Variants in CEP128 observed in about 807,000 individuals in gnomAD.
CEP128 encodes the protein centrosomal protein 128, also known as centrosomal protein 128kDa.
In CEP128, 132 loss-of-function variants were observed where a neutral mutation model predicts 156.7. The ratio of observed to expected loss-of-function variants is 0.84; its 90% CI spans 0.73 to 0.97. The LOEUF (loss-of-function observed/expected upper bound fraction) is 0.97. CEP128 is among the 50% of genes least tolerant of loss of function. The probability of loss-of-function intolerance (pLI) is 0.00; values close to 1 mark genes in which losing one functional copy is unlikely to be tolerated. For synonymous variants in CEP128, 469 were observed against 448.9 expected, an observed-to-expected ratio of 1.04 and a Z score of -0.57; for missense variants, 1,252 against 1,281.9, an observed-to-expected ratio of 0.98 and a Z score of 0.36.
At chr14:80,722,467 A>G (rs1375096267) in intron 19 of CEP128, among the ~76,000 whole-genome samples, 2 of 152,052 alleles carry the variant, frequency 1.3e-5, no homozygotes, top group African/African-American at 4.8e-5. Flanking sequence ...CATATACACT[A>G]ACATATGTAT....
chr14:80,810,340 AAAAAAAAAG>A (rs1418088882), intron 13 of CEP128, among the ~76,000 whole-genome samples: 3 of 147,978 alleles, frequency 2.0e-5, no homozygotes, highest in Non-Finnish European at 3.0e-5. Context: ...AAAAAAAAAA[AAAAAAAAAG>A]AATATACAAA....
intron 19 of CEP128, among the ~76,000 whole-genome samples, chr14:80,596,842 A>AGGGG (rs1555379469): frequency 1.4e-5 from 1 of 69,832 alleles, no homozygotes; most frequent in Non-Finnish European, 2.9e-5. Context: ...AAAAAAAAAA[A>AGGGG]GGTGGGGGGG....
Position 80,904,890 on chromosome 14 carries a change from C to A in CEP128, c.403G>T (p.Gly135Trp), listed in dbSNP as rs370100310. The change falls in exon 6 of 25, where the codon GGG becomes TGG. Residue 135 changes from glycine to tryptophan, a missense_variant. Transcript: ENST00000555265. The stretch of plus-strand genomic sequence containing the variant: ...ATTCGTTTAATACCCTGTGGATCCC[C>A]ATAGTCCTTGAGAGGTGAGGTAGGT... ...FPPTSPLKDY[G>W]DPQGIKRMRS... 17 of 1,612,124 alleles carry A rather than the reference C, an allele frequency of 1.1e-5. No homozygotes were observed. In the African/African-American group the frequency reaches 1.9e-4, roughly 18 times the overall value.
At chr14:80,914,747 G>T (rs983991555) in intron 3 of CEP128, among the ~76,000 whole-genome samples, 1 of 152,022 alleles carries the variant, frequency 6.6e-6, no homozygotes, top group Non-Finnish European at 1.5e-5. Context: ...TATAGAAAAG[G>T]AATTCTGAAA....
intron 19 of CEP128, among the ~76,000 whole-genome samples, chr14:80,633,328 T>C (rs1894044320): frequency 6.6e-6 from 1 of 152,200 alleles, no homozygotes; most frequent in African/African-American, 2.4e-5. Context: ...GGGTCCGATA[T>C]GTCAATAGTA....
intron 19 of CEP128, among the ~76,000 whole-genome samples, chr14:80,693,450 T>C (rs1297809457): frequency 6.6e-6 from 1 of 152,188 alleles, no homozygotes; most frequent in Non-Finnish European, 1.5e-5. Flanking sequence ...TATTCTTTAA[T>C]GAGACATAGA....
intron 6 of CEP128, among the ~76,000 whole-genome samples, chr14:80,902,154 T>C (rs1266366625): frequency 6.6e-6 from 1 of 152,196 alleles, no homozygotes; most frequent in Non-Finnish European, 1.5e-5. Flanking sequence ...ATCGCATGCA[T>C]CTCAGTTCAT....
intron 8 of CEP128, among the ~76,000 whole-genome samples, chr14:80,866,721 A>C (rs1460092193): frequency 2.0e-5 from 3 of 152,220 alleles, no homozygotes; most frequent in Non-Finnish European, 2.9e-5. Flanking sequence ...AGGATCATAA[A>C]TGATCAGGGA....
chr14:80,670,367 T>A (rs561968748), intron 19 of CEP128, among the ~76,000 whole-genome samples: 15 of 152,200 alleles, frequency 9.9e-5, no homozygotes, highest in African/African-American at 3.4e-4. Context: ...GACACAGTGA[T>A]CTGTCTGTCT....
chr14:80,748,137 C>T (rs1367893091), intron 18 of CEP128, among the ~76,000 whole-genome samples: 2 of 152,150 alleles, frequency 1.3e-5, no homozygotes, highest in African/African-American at 4.8e-5. Context: ...AATTTATAGG[C>T]CTCTGTCTTG....
At chr14:80,728,788 T>C (rs1223617750) in intron 19 of CEP128, among the ~76,000 whole-genome samples, 1 of 152,228 alleles carries the variant, frequency 6.6e-6, no homozygotes, top group African/African-American at 2.4e-5. Flanking sequence ...GTAATAACTA[T>C]GTATGCAGAT....
chr14:80,696,358 A>T (rs1896892009), intron 19 of CEP128, among the ~76,000 whole-genome samples: 1 of 152,224 alleles, frequency 6.6e-6, no homozygotes. Flanking sequence ...CTGAATTCTG[A>T]GGAAGAGGTT....
At chr14:80,600,843 A>G (rs1288164022) in intron 19 of CEP128, among the ~76,000 whole-genome samples, 1 of 149,930 alleles carries the variant, frequency 6.7e-6, no homozygotes, top group Non-Finnish European at 1.5e-5. Context: ...ATATGATATA[A>G]TCTGTATCAC....
At chr14:80,501,425 A>G (rs888305070) in intron 24 of CEP128, among the ~76,000 whole-genome samples, 1 of 152,148 alleles carries the variant, frequency 6.6e-6, no homozygotes, top group African/African-American at 2.4e-5. Context: ...TTCAACTAGA[A>G]TTTTATATAA....
intron 19 of CEP128, among the ~76,000 whole-genome samples, chr14:80,643,709 C>CCAAAA (rs1555385825): frequency 6.9e-6 from 1 of 145,536 alleles, no homozygotes; most frequent in Non-Finnish European, 1.5e-5. Flanking sequence ...GACTCCATCT[C>CCAAAA]AAAAAAATCG....
At chr14:80,809,881 TACC>T (rs1016398771) in intron 13 of CEP128, among the ~76,000 whole-genome samples, 1 of 151,810 alleles carries the variant, frequency 6.6e-6, no homozygotes, top group African/African-American at 2.4e-5. Context: ...GGACAGCAGT[TACC>T]ACAATGAAAA....
At chr14:80,894,333 C>G (rs1309200812) in intron 8 of CEP128, among the ~76,000 whole-genome samples, 1 of 151,968 alleles carries the variant, frequency 6.6e-6, no homozygotes, top group Non-Finnish European at 1.5e-5. Context: ...GAGCAACATT[C>G]TTAAATGTGT....
intron 7 of CEP128, among the ~76,000 whole-genome samples, chr14:80,896,075 T>A (rs1313213248): frequency 6.6e-6 from 1 of 152,102 alleles, no homozygotes; most frequent in East Asian, 1.9e-4. Flanking sequence ...GAGACCAAAC[T>A]TTGAGAACCG....
chr14:80,838,322 G>A (rs1046523350), intron 10 of CEP128, 44 bp from the exon 11 acceptor site: 2 of 1,385,556 alleles, frequency 1.4e-6, no homozygotes, highest in South Asian at 1.2e-5. Flanking sequence ...CAATGGAGCA[G>A]AAGATAACTA....
Sources: allele counts gnomAD v4.1 joint callset (sites outside exome capture counted in the v4.1 genomes callset), GRCh38; gene constraint gnomAD v4.1.1; transcripts MANE v1.5; gene names NCBI Gene and HGNC (gene_info 2026-07-23, HGNC 2026-07-21).